The following SLC39A11 variants were observed in gnomAD, a reference collection of about 807,000 sequenced individuals.
SLC39A11 encodes solute carrier family 39 member 11, also known as zinc transporter ZIP11.
A neutral mutation model predicts 36.1 loss-of-function variants in SLC39A11; 33 were observed. The observed-to-expected ratio is 0.91, with a 90% CI of 0.69 to 1.22. The LOEUF (loss-of-function observed/expected upper bound fraction) is 1.22, where lower values mean the gene tolerates loss of function less well. SLC39A11 is among the 50% of genes most tolerant of loss of function. The probability of loss-of-function intolerance (pLI) is 0.00; values close to 1 mark genes in which losing one functional copy is unlikely to be tolerated. For missense variants in SLC39A11, 432 were observed against 430.3 expected, an observed-to-expected ratio of 1.00 and a Z score of -0.03; for synonymous variants, 166 against 170.3, an observed-to-expected ratio of 0.97 and a Z score of 0.20.
intron 4 of SLC39A11, among the ~76,000 whole-genome samples, chr17:72,959,321 GTGTGTA>G (rs2086448916): frequency 2.2e-5 from 1 of 46,154 alleles, no homozygotes; most frequent in Admixed American, 2.9e-4. Flanking sequence ...ATGTGTGTGT[GTGTGTA>G]TATATATATA....
intron 7 of SLC39A11, among the ~76,000 whole-genome samples, chr17:72,658,468 G>C (rs953908092): frequency 6.6e-6 from 1 of 152,142 alleles, no homozygotes; most frequent in Non-Finnish European, 1.5e-5. Flanking sequence ...AGTTGTTTCT[G>C]CTTTTTCTTA....
intron 4 of SLC39A11, among the ~76,000 whole-genome samples, chr17:73,026,724 A>G (rs73350937): frequency 0.052 from 7,895 of 152,062 alleles, 247 homozygotes; most frequent in Middle Eastern, 0.068. Context: ...CGACGCTAAC[A>G]TGACTAAAAA....
At chr17:73,074,121 TATTAATA>T in intron 3 of SLC39A11, among the ~76,000 whole-genome samples, 1 of 151,910 alleles carries the variant, frequency 6.6e-6, no homozygotes, top group East Asian at 1.9e-4. Flanking sequence ...TATTGAGAAA[TATTAATA>T]ATTGAGAAAT....
At chr17:73,057,382 A>T (rs2059701653) in intron 3 of SLC39A11, among the ~76,000 whole-genome samples, 1 of 152,230 alleles carries the variant, frequency 6.6e-6, no homozygotes, top group Non-Finnish European at 1.5e-5. Flanking sequence ...CTCATTGATG[A>T]GAAAAAATAT....
chr17:73,044,747 A>G (rs1314966696), intron 3 of SLC39A11, among the ~76,000 whole-genome samples: 2 of 151,940 alleles, frequency 1.3e-5, no homozygotes, highest in Admixed American at 1.3e-4. Flanking sequence ...GGTGGTGGGT[A>G]CCTGTAATCC....
chr17:73,014,905 A>C (rs919761765), intron 4 of SLC39A11, among the ~76,000 whole-genome samples: 4 of 151,754 alleles, frequency 2.6e-5, no homozygotes, highest in South Asian at 4.2e-4. Flanking sequence ...TGTTTCTGTA[A>C]CTCCAGCCTC....
At chr17:72,719,537 G>C (rs984695814) in intron 7 of SLC39A11, among the ~76,000 whole-genome samples, 1 of 152,228 alleles carries the variant, frequency 6.6e-6, no homozygotes, top group African/African-American at 2.4e-5. Context: ...TCAGCAGGCT[G>C]CCCTGGAAGA....
chr17:73,060,663 C>T (rs918543964), intron 3 of SLC39A11, among the ~76,000 whole-genome samples: 5 of 149,290 alleles, frequency 3.3e-5, no homozygotes, highest in South Asian at 2.1e-4. Context: ...AGATATTATA[C>T]GAATTAGGCT....
chr17:72,924,261 C>T (rs1368334695), intron 5 of SLC39A11, among the ~76,000 whole-genome samples: 1 of 151,574 alleles, frequency 6.6e-6, no homozygotes, highest in African/African-American at 2.4e-5. Context: ...TAAGACACCC[C>T]CACCTCGCCC....
At chr17:72,888,721 G>A (rs1222891619) in intron 5 of SLC39A11, among the ~76,000 whole-genome samples, 1 of 152,026 alleles carries the variant, frequency 6.6e-6, no homozygotes, top group Non-Finnish European at 1.5e-5. Context: ...GGGCAACATA[G>A]CAAGACTCCA....
In SLC39A11 at chr17:73,012,206, G is replaced by T. The variant is rs143396032; in HGVS notation, c.306+19350C>A. ...CAGAAGAATTGCTTGAACCCGGGAA[G>T]CAGACGTTGCAGTGAGCCAAGATCA... On this transcript the variant is annotated intron_variant, in intron 4 of 9. Transcript: ENST00000255559. Among the ~76,000 whole-genome samples the T allele has an allele frequency of 8.3e-3, 1,258 of 152,048 alleles. 13 individuals carry two copies. The highest frequency in any genetic ancestry group is 0.029 in the African/African-American group (1,204 of 41,500).
intron 5 of SLC39A11, among the ~76,000 whole-genome samples, chr17:72,869,691 T>C (rs1015053493): frequency 6.6e-6 from 1 of 151,876 alleles, no homozygotes; most frequent in Non-Finnish European, 1.5e-5. Context: ...GCCCAGTGAA[T>C]TTTTAAAAAT....
chr17:72,870,593 C>G (rs549322534), intron 5 of SLC39A11, among the ~76,000 whole-genome samples: 1 of 152,354 alleles, frequency 6.6e-6, no homozygotes, highest in African/African-American at 2.4e-5. Flanking sequence ...TCTCATACAG[C>G]CCCAGATGCT....
At chr17:73,089,612 G>C (rs1312343125) in intron 1 of SLC39A11, 1 of 152,362 alleles carries the variant, frequency 6.6e-6, no homozygotes, top group African/African-American at 2.4e-5. Flanking sequence ...AGCCTTAGTT[G>C]CTTGAGGACG....
At chr17:72,725,861 C>T (rs527992427) in intron 7 of SLC39A11, among the ~76,000 whole-genome samples, 5 of 152,228 alleles carry the variant, frequency 3.3e-5, no homozygotes, top group African/African-American at 9.6e-5. Flanking sequence ...ATTGAGAGCA[C>T]AATGTGCGAT....
intron 6 of SLC39A11, among the ~76,000 whole-genome samples, chr17:72,804,233 T>G (rs1421841843): frequency 6.6e-6 from 1 of 152,156 alleles, no homozygotes; most frequent in Non-Finnish European, 1.5e-5. Context: ...CTTGATGCAT[T>G]TTTATTCCAA....
At chr17:72,731,388 A>AT (rs2074208312) in intron 7 of SLC39A11, among the ~76,000 whole-genome samples, 2 of 152,116 alleles carry the variant, frequency 1.3e-5, no homozygotes, top group African/African-American at 4.8e-5. Context: ...TGGAATTGTA[A>AT]TCCCCAATGT....
At chr17:72,851,788 C>A (rs949692166) in intron 5 of SLC39A11, among the ~76,000 whole-genome samples, 1 of 152,130 alleles carries the variant, frequency 6.6e-6, no homozygotes, top group Non-Finnish European at 1.5e-5. Context: ...TTATTTCCTG[C>A]TTGAATTTCA....
rs114390675 is a variant in SLC39A11 at position 72,656,804 on chromosome 17, T to G, written c.672-7536A>C. Among the ~76,000 whole-genome samples the G allele has an allele frequency of 4.2e-3, 647 of 152,310 alleles. 5 individuals are homozygous for G. Among genetic ancestry groups the G allele is most frequent in the African/African-American group, 0.015 (636 of 41,554 alleles). ...CCAGCATTGGGGGAATCAGGGTTTATTTTTAAAGTTCATTTCCTATTATAT... is the reference window on the plus strand; with the variant it reads ...CCAGCATTGGGGGAATCAGGGTTTAGTTTTAAAGTTCATTTCCTATTATAT... On this transcript the variant is annotated intron_variant, in intron 7 of 9. Transcript: ENST00000255559.
Sources: allele counts gnomAD v4.1 joint callset (sites outside exome capture counted in the v4.1 genomes callset), GRCh38; gene constraint gnomAD v4.1.1; transcripts MANE v1.5; gene names NCBI Gene and HGNC (gene_info 2026-07-23, HGNC 2026-07-21).